The following SLC38A12 variants were observed in gnomAD, a reference collection of about 807,000 sequenced individuals.
The protein encoded by SLC38A12 is solute carrier family 38 member 12.
chr17:74,829,953 G>A, the SLC38A12 span, among the ~76,000 whole-genome samples: 54 of 152,302 alleles, frequency 3.5e-4, no homozygotes, highest in Admixed American at 6.5e-4. This position sits in a 1 kb window ranked among gnomAD's most constrained non-coding sequence, Gnocchi z 4.1. Flanking sequence ...GTCCCTCTCC[G>A]TACCTGCAGC....
the SLC38A12 span, among the ~76,000 whole-genome samples, chr17:74,781,810 A>C: frequency 6.6e-6 from 1 of 152,140 alleles, no homozygotes; most frequent in Non-Finnish European, 1.5e-5. Context: ...GTGCCATCCA[A>C]AAGGGCTCTT....
chr17:74,834,456 A>T, the SLC38A12 span, among the ~76,000 whole-genome samples: 2 of 152,122 alleles, frequency 1.3e-5, no homozygotes, highest in Non-Finnish European at 1.5e-5. Flanking sequence ...CGACAGTGTC[A>T]GGCAGTTCTG....
At chr17:74,833,770 G>A in the SLC38A12 span, among the ~76,000 whole-genome samples, 2 of 152,216 alleles carry the variant, frequency 1.3e-5, no homozygotes, top group Non-Finnish European at 1.5e-5. Flanking sequence ...CTTGGGCAGG[G>A]CCAAGTGCCA....
At chr17:74,822,614 G>A in the SLC38A12 span, among the ~76,000 whole-genome samples, 36 of 152,226 alleles carry the variant, frequency 2.4e-4, no homozygotes, top group East Asian at 3.8e-4. Context: ...TGCTGGGGGC[G>A]ACAGCAAAGG....
the SLC38A12 span, among the ~76,000 whole-genome samples, chr17:74,796,355 T>C: frequency 1.3e-5 from 2 of 152,194 alleles, no homozygotes; most frequent in Admixed American, 1.3e-4. Flanking sequence ...TGACATAAAT[T>C]TAGGTGTGCT....
the SLC38A12 span, among the ~76,000 whole-genome samples, chr17:74,825,649 A>G: frequency 6.6e-6 from 1 of 152,228 alleles, no homozygotes; most frequent in Non-Finnish European, 1.5e-5. Flanking sequence ...GGGCAGATCC[A>G]GCTACCAGAC....
chr17:74,792,724 C>T, the SLC38A12 span, among the ~76,000 whole-genome samples: 10 of 152,234 alleles, frequency 6.6e-5, no homozygotes, highest in South Asian at 4.1e-4. Context: ...AGCATTTAGG[C>T]AGGGCGATGT....
At chr17:74,785,807 G>C in the SLC38A12 span, 1 of 602,638 alleles carries the variant, frequency 1.7e-6, no homozygotes, top group South Asian at 2.0e-5. Context: ...TGGAGCGGTT[G>C]CACAGCCCTG....
At chr17:74,796,134 T>C in the SLC38A12 span, among the ~76,000 whole-genome samples, 12 of 152,198 alleles carry the variant, frequency 7.9e-5, no homozygotes, top group African/African-American at 2.7e-4. Context: ...GAGAAGACGA[T>C]GAATCTCCAG....
chr17:74,828,918 C>T, the SLC38A12 span, among the ~76,000 whole-genome samples: 1 of 152,128 alleles, frequency 6.6e-6, no homozygotes, highest in South Asian at 2.1e-4. Flanking sequence ...CACATCCACA[C>T]AGCCCATAGA....
At chr17:74,778,120 T>A in the SLC38A12 span, among the ~76,000 whole-genome samples, 1 of 152,234 alleles carries the variant, frequency 6.6e-6, no homozygotes, top group South Asian at 2.1e-4. Flanking sequence ...CAGAGACTTC[T>A]AATTACAGTT....
chr17:74,815,041 A>G, the SLC38A12 span, among the ~76,000 whole-genome samples: 7 of 152,206 alleles, frequency 4.6e-5, no homozygotes, highest in East Asian at 1.4e-3. Flanking sequence ...AGGAGGGTGA[A>G]GGCATGAGGT....
the SLC38A12 span, chr17:74,837,488 G>A: frequency 1.0e-6 from 1 of 985,360 alleles, no homozygotes; most frequent in Non-Finnish European, 1.2e-6. Flanking sequence ...TACAGTGCAG[G>A]TGGTCCTACT....
the SLC38A12 span, among the ~76,000 whole-genome samples, chr17:74,825,066 C>T: frequency 6.6e-6 from 1 of 152,236 alleles, no homozygotes; most frequent in Admixed American, 6.5e-5. Flanking sequence ...GTGCCCACTG[C>T]TGCCAGCTTG....
chr17:74,790,200 G>C, the SLC38A12 span: 1 of 1,613,114 alleles, frequency 6.2e-7, no homozygotes, highest in African/African-American at 1.3e-5. Context: ...TGGCTCCCAG[G>C]AGGAGGAAGA....
chr17:74,822,896 A>C, the SLC38A12 span, among the ~76,000 whole-genome samples: 2 of 152,166 alleles, frequency 1.3e-5, no homozygotes, highest in African/African-American at 4.8e-5. Flanking sequence ...TGGAGCCACC[A>C]AACAAAACAA....
chr17:74,837,949 C>G, the SLC38A12 span: 1 of 985,514 alleles, frequency 1.0e-6, no homozygotes, highest in East Asian at 1.1e-4. Flanking sequence ...TGGGGTGGGT[C>G]TCAGGCCCCA....
chr17:74,810,522 C>T, the SLC38A12 span, among the ~76,000 whole-genome samples: 1,035 of 152,316 alleles, frequency 6.8e-3, 10 homozygotes, highest in African/African-American at 0.024. Flanking sequence ...CTCCGCCTGT[C>T]CTCATCTCTC....
At chr17:74,798,027 T>G in the SLC38A12 span, among the ~76,000 whole-genome samples, 3 of 152,168 alleles carry the variant, frequency 2.0e-5, no homozygotes, top group African/African-American at 7.2e-5. Flanking sequence ...CTGTTTCTGA[T>G]TTTGCTGCCA....
Sources: gnomAD v4.1 joint callset for allele counts (sites outside exome capture counted in the v4.1 genomes callset) on GRCh38, gnomAD v4.1.1 for gene constraint, Gnocchi (gnomAD v3.1) non-coding constraint, MANE v1.5 for transcripts, NCBI Gene and HGNC (gene_info 2026-07-23, HGNC 2026-07-21) for gene names.